The following RNF141 variants were observed in gnomAD, a reference collection of about 807,000 sequenced individuals.
The protein encoded by RNF141 is ring finger protein 141, also known as C3HC4-like zinc finger protein.
RNF141 carries 18 observed loss-of-function variants against 27.4 expected under a neutral mutation model. That is an observed-to-expected ratio of 0.66 (90% confidence interval 0.45 to 0.97). The LOEUF is 0.97. Ranked by LOEUF, RNF141 falls within the 50% of genes least tolerant of loss-of-function variation. The pLI, the probability that RNF141 is intolerant of heterozygous loss-of-function variation, is 0.00. For synonymous variants in RNF141, 97 were observed against 96.6 expected (o/e 1.00, Z -0.02); for missense variants, 230 against 279.4 (o/e 0.82, Z 1.26).
chr11:10,539,701 A>T lies in RNF141; in HGVS notation c.-48+1421T>A, dbSNP rs78662548. On this transcript the variant is annotated intron_variant, in intron 1 of 5. Coordinates refer to ENST00000265981, the MANE Select transcript of RNF141 (RefSeq NM_016422.4). ...AGAAAAAGATACATACATATATATT[A>T]GAGAGAGAAGGAGAGAGAAACTACA... 4.4e-4 allele frequency among the ~76,000 whole-genome samples: 14 copies of T among 31,476 alleles called. 3 individuals are homozygous for T. The highest frequency in any genetic ancestry group is 2.5e-3 in the South Asian group (3 of 1,198). 20.6% of individuals were successfully genotyped at this position (31,476 alleles called of 152,430 possible).
chr11:10,538,355 A>T (rs1201419462), intron 1 of RNF141, among the ~76,000 whole-genome samples: 2 of 152,232 alleles, frequency 1.3e-5, no homozygotes, highest in African/African-American at 4.8e-5. Context: ...ATATTGATAA[A>T]TATTAACATC....
intron 1 of RNF141, among the ~76,000 whole-genome samples, chr11:10,539,097 A>G (rs571006240): frequency 1.3e-5 from 2 of 152,354 alleles, no homozygotes; most frequent in African/African-American, 4.8e-5. Flanking sequence ...GCACAAGATC[A>G]AGGATTCCAA....
At chr11:10,534,248 A>C in intron 1 of RNF141, 43 bp from the exon 2 acceptor site, 6 of 1,374,726 alleles carry the variant, frequency 4.4e-6, no homozygotes, top group Non-Finnish European at 1.0e-6. Flanking sequence ...ATTATACAAA[A>C]ACGGCAATAT....
intron 4 of RNF141, among the ~76,000 whole-genome samples, chr11:10,522,561 C>G (rs889387232): frequency 6.6e-6 from 1 of 152,126 alleles, no homozygotes; most frequent in African/African-American, 2.4e-5. Context: ...AGTATGTAGA[C>G]GAGACCCACA....
chr11:10,519,374 A>AT (rs1849868432), intron 4 of RNF141, among the ~76,000 whole-genome samples: 2 of 152,004 alleles, frequency 1.3e-5, no homozygotes, highest in African/African-American at 4.8e-5. Flanking sequence ...TAAAAGATAC[A>AT]TTTTGTGATA....
chr11:10,519,168 A>G lies in RNF141; in HGVS notation c.435-27T>C, dbSNP rs779993060. On this transcript the variant is annotated intron_variant, in intron 4 of 5. Coordinates refer to ENST00000265981, the MANE Select transcript of RNF141 (RefSeq NM_016422.4). ...TGCAATGTGAAAACTGAGCTGAAACAATTATATTCTCTGTCATTATGCTTT... is the reference window on the plus strand; with the variant it reads ...TGCAATGTGAAAACTGAGCTGAAACGATTATATTCTCTGTCATTATGCTTT... 8.3e-6 allele frequency: 13 copies of G among 1,574,010 alleles called. No homozygotes were observed. The African/African-American group carries it at 9.4e-5, about 11-fold the overall frequency.
At chr11:10,525,057 G>T in intron 4 of RNF141, 135 bp downstream of exon 4, 2 of 601,478 alleles carry the variant, frequency 3.3e-6, no homozygotes. Flanking sequence ...CCCCAAAACT[G>T]ATCTCAGATA....
rs113389401 is a variant in RNF141, at chr11:10,524,404, TA to T, written c.434+787del. 9.1e-3 allele frequency among the ~76,000 whole-genome samples: 1,316 copies of T among 144,874 alleles called. 5 individuals carry two copies. The highest frequency in any genetic ancestry group is 0.037 in the South Asian group (171 of 4,642). Reference sequence around the variant, plus strand: ...CGACAGAGCAAGACTCCGCCTCAATTAAAAAAAAAAAAATCACTGTTAAGTA... The same window carrying T: ...CGACAGAGCAAGACTCCGCCTCAATTAAAAAAAAAAAATCACTGTTAAGTA... On this transcript the variant is annotated intron_variant, in intron 4 of 5. Transcript: ENST00000265981.
chr11:10,530,537 C>T (rs1298362005), intron 3 of RNF141, 106 bp downstream of exon 3: 11 of 540,412 alleles, frequency 2.0e-5, no homozygotes, highest in Non-Finnish European at 3.5e-5. Context: ...TACAAAACCA[C>T]CGAGTTATTA....
Position 10,530,725 on chromosome 11 carries a change from T to C in RNF141, c.170A>G (p.Glu57Gly), listed in dbSNP as rs1591500006. 1 of 1,608,128 alleles carries C rather than the reference T, an allele frequency of 6.2e-7. No homozygotes were observed. The highest frequency in any genetic ancestry group is 8.5e-7 in the Non-Finnish European group (1 of 1,176,592). The change falls in exon 3 of 6, where the codon GAA (glutamate) becomes GGA (glycine). Residue 57 changes from glutamate (E) to glycine (G), a missense_variant. Physicochemically the swap from Glu to Gly is moderately conservative, Grantham distance 98. Coordinates refer to ENST00000265981, the MANE Select transcript of RNF141 (RefSeq NM_016422.4). The stretch of plus-strand genomic sequence containing the variant: ...TTGTACCTCAAAGAGAAGATGTTTT[T>C]CCTGGCCAGAAGCCACTTTAGCCGT... ...DVTAKVASGQEKHLLFEVQPG... is the reference protein window; with the variant it reads ...DVTAKVASGQGKHLLFEVQPG...
At chr11:10,528,866 C>G (rs1462926189) in intron 3 of RNF141, among the ~76,000 whole-genome samples, 1 of 152,126 alleles carries the variant, frequency 6.6e-6, no homozygotes, top group Non-Finnish European at 1.5e-5. Context: ...GGAGCTTACT[C>G]TCTAAAGGGG....
At chr11:10,530,899 A>T (rs1308834188) in intron 2 of RNF141, 148 bp from the exon 3 acceptor site, 6 of 509,126 alleles carry the variant, frequency 1.2e-5, no homozygotes, top group Non-Finnish European at 2.1e-5. Context: ...TAATAACTGG[A>T]TTCTTAAAAC....
chr11:10,524,817 A>T (rs1360790509), intron 4 of RNF141, among the ~76,000 whole-genome samples: 1 of 151,628 alleles, frequency 6.6e-6, no homozygotes, highest in Admixed American at 6.6e-5. Flanking sequence ...ATTTTTTAAA[A>T]AAAGTGGGAT....
chr11:10,533,896 G>T, intron 2 of RNF141, 120 bp downstream of exon 2: 1 of 862,376 alleles, frequency 1.2e-6, no homozygotes, highest in Non-Finnish European at 1.8e-6. Context: ...ATTTGTTAAT[G>T]CTAACTGAAA....
chr11:10,530,910 A>T (rs1386163312), intron 2 of RNF141, among the ~76,000 whole-genome samples, 159 bp from the exon 3 acceptor site: 1 of 152,248 alleles, frequency 6.6e-6, no homozygotes, highest in Non-Finnish European at 1.5e-5. Context: ...TTCTTAAAAC[A>T]GGGATAGAGA....
intron 5 of RNF141, chr11:10,516,489 G>C (rs12225339): frequency 6.6e-6 from 1 of 152,356 alleles, no homozygotes; most frequent in East Asian, 1.9e-4. Context: ...TGAACACACA[G>C]AGCTGAGAAT....
intron 3 of RNF141, 22 bp from the exon 4 acceptor site, chr11:10,525,395 A>G (rs755861355): frequency 3.9e-6 from 6 of 1,536,092 alleles, no homozygotes; most frequent in Non-Finnish European, 5.3e-6. Flanking sequence ...AAGAACATGA[A>G]AAAGAAAAGT....
intron 3 of RNF141, among the ~76,000 whole-genome samples, chr11:10,526,781 CAAAA>C (rs762457068): frequency 1.2e-5 from 1 of 80,614 alleles, no homozygotes; most frequent in Non-Finnish European, 2.6e-5. Context: ...GACTACGTCT[CAAAA>C]AAAAAAAAAA....
At chr11:10,521,908 A>AGTTTG (rs1296224846) in intron 4 of RNF141, among the ~76,000 whole-genome samples, 2 of 152,338 alleles carry the variant, frequency 1.3e-5, no homozygotes, top group East Asian at 3.9e-4. Flanking sequence ...TTAAGTTTGA[A>AGTTTG]CGTGTCCTGA....
Sources: allele counts gnomAD v4.1 joint callset (sites outside exome capture counted in the v4.1 genomes callset), GRCh38; gene constraint gnomAD v4.1.1; transcripts MANE v1.5; gene names NCBI Gene and HGNC (gene_info 2026-07-23, HGNC 2026-07-21).